Variants in AP4E1 observed in about 807,000 individuals in gnomAD.
AP4E1 encodes adaptor related protein complex 4 subunit epsilon 1.
Under a neutral mutation model 128.2 loss-of-function variants are expected in AP4E1, and 56 were observed. The observed-to-expected ratio is 0.44, with a 90% confidence interval of 0.35 to 0.55. The LOEUF (loss-of-function observed/expected upper bound fraction) is 0.55, where lower values mean the gene tolerates loss of function less well. Among genes scored for constraint, AP4E1 ranks in the 20% least tolerant of loss-of-function variants. The pLI is 0.00. For synonymous variants in AP4E1, 484 were observed against 473.1 expected, an observed-to-expected ratio of 1.02 and a Z score of -0.30; for missense variants, 1,324 against 1,307.7, an observed-to-expected ratio of 1.01 and a Z score of -0.19.
intron 20 of AP4E1, among the ~76,000 whole-genome samples, chr15:51,002,067 G>A (rs950554574): frequency 6.6e-6 from 1 of 152,122 alleles, no homozygotes; most frequent in African/African-American, 2.4e-5. Context: ...TTTTAGTAGA[G>A]ATGGGGTTTC....
chr15:50,921,109 C>G (rs2063698243), intron 3 of AP4E1, among the ~76,000 whole-genome samples: 1 of 58,846 alleles, frequency 1.7e-5, no homozygotes, highest in South Asian at 7.7e-4. Flanking sequence ...AGCCAGAATG[C>G]CTTATTATTT....
intron 15 of AP4E1, among the ~76,000 whole-genome samples, chr15:50,969,008 T>C (rs142500878): frequency 2.0e-4 from 31 of 152,246 alleles, no homozygotes; most frequent in African/African-American, 7.2e-4. Context: ...TCTTCTTCTT[T>C]TTTTTTAATT....
At chr15:50,928,454 AT>A (rs2063793400) in intron 5 of AP4E1, among the ~76,000 whole-genome samples, 1 of 151,990 alleles carries the variant, frequency 6.6e-6, no homozygotes, top group South Asian at 2.1e-4. Flanking sequence ...CACCTGGCTA[AT>A]TTTTGTATTT....
intron 14 of AP4E1, among the ~76,000 whole-genome samples, chr15:50,961,125 C>G (rs1412024515): frequency 6.6e-6 from 1 of 151,862 alleles, no homozygotes; most frequent in Non-Finnish European, 1.5e-5. Flanking sequence ...AGTAAGTCTC[C>G]CAACAGAGAA....
At position 51,003,404 on chromosome 15, in the gene AP4E1, A is replaced by C. The variant is rs2064988344; in HGVS notation, c.*742A>C. On this transcript the variant is annotated 3_prime_UTR_variant, in exon 21 of 21. Transcript: ENST00000261842. ...ATATAGAAACAAAACCCATAAGAGC[A>C]CACAGTAACAAAGCAAACAGATACA... is the stretch of plus-strand genomic sequence containing the variant. 1 of 152,476 alleles carries C rather than the reference A, an allele frequency of 6.6e-6. No homozygotes were observed. The highest frequency in any genetic ancestry group is 2.4e-5 in the African/African-American group (1 of 41,464). 9.4% of individuals were successfully genotyped at this position (152,476 alleles called of 1,614,324 possible).
At chr15:50,993,753 CCAT>C in intron 17 of AP4E1, 128 bp downstream of exon 17, 1 of 1,074,562 alleles carries the variant, frequency 9.3e-7, no homozygotes, top group Admixed American at 2.1e-5. Context: ...TTCTTACTCA[CCAT>C]CATTTCCCAG....
intron 15 of AP4E1, among the ~76,000 whole-genome samples, chr15:50,982,625 TCTAGTTCACATAC>T (rs1567254336): frequency 6.6e-6 from 1 of 152,220 alleles, no homozygotes; most frequent in Non-Finnish European, 1.5e-5. Context: ...GAAATGAAGA[TCTAGTTCACATAC>T]CTAGTTAACA....
intron 7 of AP4E1, among the ~76,000 whole-genome samples, chr15:50,933,715 G>C (rs1425054669): frequency 6.6e-6 from 1 of 152,124 alleles, no homozygotes; most frequent in African/African-American, 2.4e-5. Flanking sequence ...AGTCAAGACA[G>C]AATGAAAGTA....
chr15:50,944,140 C>T (rs528246096), intron 10 of AP4E1, among the ~76,000 whole-genome samples: 6 of 152,304 alleles, frequency 3.9e-5, no homozygotes, highest in Admixed American at 1.3e-4. Flanking sequence ...TGAGGAGTTA[C>T]TGAGTATCCT....
chr15:50,964,949 C>T (rs1031384407), intron 14 of AP4E1, among the ~76,000 whole-genome samples: 2 of 58,542 alleles, frequency 3.4e-5, no homozygotes, highest in Non-Finnish European at 7.0e-5. Context: ...ATAACACCTC[C>T]CCCTACCACA....
intron 1 of AP4E1, among the ~76,000 whole-genome samples, chr15:50,910,844 CAG>C (rs1178252830): frequency 1.3e-5 from 2 of 152,304 alleles, no homozygotes; most frequent in South Asian, 4.1e-4. Context: ...TTAGTAGAGA[CAG>C]GGTTTCGCCA....
chr15:50,940,991 G>A (rs1567224312), intron 8 of AP4E1, among the ~76,000 whole-genome samples: 3 of 152,084 alleles, frequency 2.0e-5, no homozygotes, highest in Admixed American at 1.3e-4. Flanking sequence ...GTAAATGGTC[G>A]AAACTATTTG....
At chr15:50,991,285 T>C (rs1483912814) in intron 16 of AP4E1, among the ~76,000 whole-genome samples, 1 of 152,208 alleles carries the variant, frequency 6.6e-6, no homozygotes, top group Non-Finnish European at 1.5e-5. Flanking sequence ...GTTGTTGTTG[T>C]TAAACTACTA....
intron 3 of AP4E1, among the ~76,000 whole-genome samples, chr15:50,919,532 CAAAAAATAAATA>C (rs2141137340): frequency 7.7e-6 from 1 of 130,402 alleles, no homozygotes; most frequent in South Asian, 2.6e-4. Context: ...AATTCCATCT[CAAAAAATAAATA>C]AATAAATAAA....
intron 13 of AP4E1, among the ~76,000 whole-genome samples, chr15:50,951,698 A>G (rs1054840874): frequency 1.3e-5 from 2 of 148,154 alleles, no homozygotes; most frequent in Non-Finnish European, 3.0e-5. Context: ...ATATACTTTT[A>G]GTTTAGTTTT....
intron 10 of AP4E1, among the ~76,000 whole-genome samples, chr15:50,943,771 A>G (rs1169386389): frequency 6.6e-6 from 1 of 152,240 alleles, no homozygotes; most frequent in Admixed American, 6.5e-5. Flanking sequence ...CTGATAACCA[A>G]GATGGCTACT....
intron 2 of AP4E1, among the ~76,000 whole-genome samples, chr15:50,914,433 T>G (rs899956171): frequency 5.3e-5 from 8 of 151,978 alleles, no homozygotes; most frequent in African/African-American, 1.9e-4. Flanking sequence ...GGTGGATCAT[T>G]TGAGGTCAAG....
intron 14 of AP4E1, among the ~76,000 whole-genome samples, chr15:50,967,675 G>A (rs936539785): frequency 7.2e-5 from 11 of 152,148 alleles, no homozygotes; most frequent in African/African-American, 1.9e-4. Context: ...ACAGGATGCC[G>A]TAACATATTT....
intron 3 of AP4E1, among the ~76,000 whole-genome samples, chr15:50,918,744 C>G (rs184836918): frequency 3.3e-5 from 5 of 152,176 alleles, no homozygotes. Flanking sequence ...AGCATGTTAT[C>G]TATACTATCT....
Sources: allele counts gnomAD v4.1 joint callset (sites outside exome capture counted in the v4.1 genomes callset), GRCh38; gene constraint gnomAD v4.1.1; transcripts MANE v1.5; gene names NCBI Gene and HGNC (gene_info 2026-07-23, HGNC 2026-07-21).